Variants in COPG2 observed in about 807,000 individuals in gnomAD.
The protein encoded by COPG2 is coat protein complex I subunit gamma 2.
In COPG2, 37 loss-of-function variants were observed where a neutral mutation model predicts 46.3. The ratio of observed to expected loss-of-function variants is 0.80; its 90% CI spans 0.61 to 1.05. The LOEUF is 1.05. Among genes scored for constraint, COPG2 ranks in the 50% least tolerant of loss-of-function variants. COPG2 has a pLI of 0.00. For synonymous variants in COPG2, 159 were observed against 129.7 expected (o/e 1.23, Z -1.53); for missense variants, 427 against 387.8 (o/e 1.10, Z -0.85).
intron 10 of COPG2, 140 bp downstream of exon 10, chr7:130,564,120 T>C (rs1219351699): frequency 2.5e-6 from 1 of 396,594 alleles, no homozygotes; most frequent in Non-Finnish European, 4.4e-6. Flanking sequence ...ACTATCTACA[T>C]ATAAGCTATC....
At chr7:130,617,849 C>T (rs1461307870) in intron 5 of COPG2, among the ~76,000 whole-genome samples, 3 of 151,872 alleles carry the variant, frequency 2.0e-5, no homozygotes, top group Non-Finnish European at 4.4e-5. Flanking sequence ...GTCTGTAATC[C>T]CAGCACTTTG....
At chr7:130,606,661 G>A (rs1734266257) in intron 9 of COPG2, among the ~76,000 whole-genome samples, 1 of 152,186 alleles carries the variant, frequency 6.6e-6, no homozygotes, top group Non-Finnish European at 1.5e-5. Context: ...ACAGTAAAAT[G>A]TGAAATGACA....
chr7:130,648,031 A>G (rs1795653880), intron 5 of COPG2, among the ~76,000 whole-genome samples: 1 of 152,064 alleles, frequency 6.6e-6, no homozygotes. Flanking sequence ...TGCCCAGCCT[A>G]TCTCACTAAG....
At chr7:130,617,114 A>T (rs1554453036) in intron 5 of COPG2, 49 bp from the exon 6 acceptor site, 14 of 1,228,966 alleles carry the variant, frequency 1.1e-5, no homozygotes, top group Admixed American at 1.9e-5. Flanking sequence ...AATCTCTCCC[A>T]TGGAGTTCAC....
chr7:130,594,934 C>T (rs1224586465), intron 9 of COPG2, among the ~76,000 whole-genome samples: 4 of 152,102 alleles, frequency 2.6e-5, no homozygotes, highest in Non-Finnish European at 4.4e-5. Flanking sequence ...ATGGTGCAGC[C>T]CCCTTGGAAA....
chr7:130,534,687 G>A (rs1027096910), intron 20 of COPG2, among the ~76,000 whole-genome samples: 4 of 152,122 alleles, frequency 2.6e-5, no homozygotes, highest in Non-Finnish European at 2.9e-5. Context: ...AGAACAGGAC[G>A]GAGGCCAGAA....
At chr7:130,583,052 G>A (rs1794184177) in intron 9 of COPG2, among the ~76,000 whole-genome samples, 1 of 151,132 alleles carries the variant, frequency 6.6e-6, no homozygotes, top group African/African-American at 2.4e-5. Context: ...GCACACGTAT[G>A]TTTATTGCAG....
chr7:130,552,035 A>C (rs1793540348), intron 15 of COPG2, among the ~76,000 whole-genome samples: 1 of 152,196 alleles, frequency 6.6e-6, no homozygotes, highest in Non-Finnish European at 1.5e-5. Context: ...ATAAAACCCT[A>C]TGGAGAACTA....
intron 20 of COPG2, among the ~76,000 whole-genome samples, chr7:130,545,915 T>G (rs1294012388): frequency 1.3e-5 from 2 of 152,188 alleles, no homozygotes; most frequent in Non-Finnish European, 2.9e-5. Context: ...TATATTGTTG[T>G]TTTGTGTATT....
Position 130,591,081 on chromosome 7 carries a change from AGAAGGGAGGTGGGGGGGT to A in COPG2, c.737+19854_737+19871del, listed in dbSNP as rs1794401093. Among the ~76,000 whole-genome samples the A allele has an allele frequency of 3.8e-5, 5 of 133,244 alleles. No homozygotes were observed. The South Asian group carries it at 1.1e-3, about 29-fold the overall frequency. 87.4% of individuals were successfully genotyped at this position (133,244 alleles called of 152,430 possible). On this transcript the variant is annotated intron_variant, in intron 9 of 23. Transcript: ENST00000425248. ...CCCCGCCCGGCCAGCCGCCCCGTCC[AGAAGGGAGGTGGGGGGGT>A]CAGCCCCCCGCCCGGCCAGCTGCCC... is the stretch of plus-strand genomic sequence containing the variant.
intron 12 of COPG2, among the ~76,000 whole-genome samples, chr7:130,557,429 T>C (rs1233963727): frequency 6.6e-6 from 1 of 152,158 alleles, no homozygotes; most frequent in Non-Finnish European, 1.5e-5. Flanking sequence ...CTCCCCTAAC[T>C]TATGAATTTA....
At chr7:130,560,090 CA>C (rs1793693294) in intron 12 of COPG2, among the ~76,000 whole-genome samples, 1 of 151,940 alleles carries the variant, frequency 6.6e-6, no homozygotes, top group Admixed American at 6.6e-5. Flanking sequence ...TCACAAATGG[CA>C]CAATTATTTA....
intron 5 of COPG2, among the ~76,000 whole-genome samples, chr7:130,651,665 C>T (rs939108715): frequency 2.1e-4 from 32 of 151,150 alleles, no homozygotes; most frequent in East Asian, 3.9e-4. Flanking sequence ...TACAGGCGCC[C>T]GCCACCGCGC....
At chr7:130,646,726 G>A (rs1795601409) in intron 5 of COPG2, among the ~76,000 whole-genome samples, 1 of 151,868 alleles carries the variant, frequency 6.6e-6, no homozygotes, top group South Asian at 2.1e-4. Flanking sequence ...GAGTTCTCAT[G>A]AGATCTGATA....
chr7:130,583,630 C>G (rs373470164), intron 9 of COPG2, among the ~76,000 whole-genome samples: 2 of 149,676 alleles, frequency 1.3e-5, no homozygotes, highest in Non-Finnish European at 3.0e-5. Flanking sequence ...CATGGTGAAG[C>G]CTTGTTTCTA....
chr7:130,550,217 C>T (rs1793514781), intron 17 of COPG2, among the ~76,000 whole-genome samples: 3 of 152,016 alleles, frequency 2.0e-5, no homozygotes. Flanking sequence ...TCAAGACCAA[C>T]CTGGCCAACA....
chr7:130,636,597 A>G (rs1309442182), intron 5 of COPG2, among the ~76,000 whole-genome samples: 2 of 40,506 alleles, frequency 4.9e-5, no homozygotes, highest in Admixed American at 5.6e-4. Flanking sequence ...CCATCCCTTT[A>G]TTTTAAGCCT....
At chr7:130,595,706 A>G (rs1392547127) in intron 9 of COPG2, among the ~76,000 whole-genome samples, 1 of 152,156 alleles carries the variant, frequency 6.6e-6, no homozygotes, top group Non-Finnish European at 1.5e-5. Flanking sequence ...AAATCTCTGT[A>G]CTTTCACTAT....
intron 17 of COPG2, among the ~76,000 whole-genome samples, chr7:130,550,149 G>A (rs1415332437): frequency 1.3e-5 from 2 of 152,020 alleles, no homozygotes; most frequent in Admixed American, 1.3e-4. Flanking sequence ...GGTGGCTCCC[G>A]CCTGTAATCC....
Sources: allele counts gnomAD v4.1 joint callset (sites outside exome capture counted in the v4.1 genomes callset), GRCh38; gene constraint gnomAD v4.1.1; transcripts MANE v1.5; gene names NCBI Gene and HGNC (gene_info 2026-07-23, HGNC 2026-07-21).